Variants in GLI2 observed in about 807,000 individuals in gnomAD.
GLI2 encodes GLI family zinc finger 2, also known as transcription activator GLI2.
Under a neutral mutation model 78.9 loss-of-function variants are expected in GLI2, and 22 were observed. That is an observed-to-expected ratio of 0.28 (90% CI 0.20 to 0.40). GLI2 has a LOEUF of 0.40. Among genes scored for constraint, GLI2 ranks in the 10% least tolerant of loss-of-function variants. The pLI is 1.00. For synonymous variants in GLI2, 974 were observed against 963.7 expected (o/e 1.01, Z -0.20); for missense variants, 2,097 against 2,213.2 (o/e 0.95, Z 1.05).
At position 120,797,383 on chromosome 2, in the gene GLI2, G is replaced by A; in HGVS notation, c.63G>A (p.Glu21=). 6.2e-7 allele frequency: 1 copy of A among 1,614,012 alleles called. No individual in the cohort carries two copies. Among genetic ancestry groups the A allele is most frequent in the Non-Finnish European group, 8.5e-7 (1 of 1,179,904 alleles). The change falls in exon 2 of 14, where the codon GAG becomes GAA. Residue 21 remains glutamate (E), a synonymous_variant. Coordinates refer to ENST00000361492, the MANE Select transcript of GLI2 (RefSeq NM_001374353.1). The part of the protein sequence containing the change: ...EKQEAKSGIL[E]AAGFPDPGKK... ...AAGAAGCCAAAAGTGGGATCCTGGAGGCCGCTGGCTTCCCCGACCCGGGTA... is the reference window on the plus strand; with the variant it reads ...AAGAAGCCAAAAGTGGGATCCTGGAAGCCGCTGGCTTCCCCGACCCGGGTA...
At chr2:120,905,867 GCC>G (rs149778827) in intron 2 of GLI2, among the ~76,000 whole-genome samples, 44 of 146,010 alleles carry the variant, frequency 3.0e-4, no homozygotes, top group African/African-American at 1.0e-3. Flanking sequence ...GGGCTACACT[GCC>G]CCCCCCCCGC....
At chr2:120,807,852 C>A (rs1010332818) in intron 2 of GLI2, among the ~76,000 whole-genome samples, 2 of 152,148 alleles carry the variant, frequency 1.3e-5, no homozygotes, top group Non-Finnish European at 2.9e-5. Flanking sequence ...GACCACCCCC[C>A]CACACACCTC....
At chr2:120,786,262 G>T (rs1683994151) in intron 1 of GLI2, among the ~76,000 whole-genome samples, 1 of 152,240 alleles carries the variant, frequency 6.6e-6, no homozygotes, top group Non-Finnish European at 1.5e-5. Context: ...ACCAGACAGG[G>T]TCCCAGGTCA....
intron 2 of GLI2, among the ~76,000 whole-genome samples, chr2:120,867,794 C>CG (rs1005731064): frequency 3.3e-5 from 5 of 149,856 alleles, no homozygotes; most frequent in African/African-American, 7.4e-5. Context: ...GGGCCTCAGG[C>CG]GGGGGGAGCT....
At chr2:120,987,653 T>C (rs1281880349) in intron 13 of GLI2, among the ~76,000 whole-genome samples, 1 of 152,138 alleles carries the variant, frequency 6.6e-6, no homozygotes, top group Non-Finnish European at 1.5e-5. Flanking sequence ...CAGGGACGCC[T>C]AGGTGGCACC....
At chr2:120,801,508 A>C (rs1468416751) in intron 2 of GLI2, among the ~76,000 whole-genome samples, 3 of 152,256 alleles carry the variant, frequency 2.0e-5, no homozygotes, top group Non-Finnish European at 4.4e-5. Context: ...GGATTGGTTC[A>C]TCTGTGGAAC....
chr2:120,903,758 G>A (rs1216864904), intron 2 of GLI2, among the ~76,000 whole-genome samples: 1 of 152,174 alleles, frequency 6.6e-6, no homozygotes, highest in African/African-American at 2.4e-5. Flanking sequence ...CAAGTGACAA[G>A]CAGCCTTCCC....
chr2:120,861,422 T>G (rs1286508012), intron 2 of GLI2, among the ~76,000 whole-genome samples: 1 of 152,214 alleles, frequency 6.6e-6, no homozygotes, highest in African/African-American at 2.4e-5. Flanking sequence ...GTGATTCAGC[T>G]CCAGGTGGAG....
At chr2:120,942,782 G>T (rs926086737) in intron 3 of GLI2, among the ~76,000 whole-genome samples, 4 of 152,030 alleles carry the variant, frequency 2.6e-5, no homozygotes, top group African/African-American at 9.7e-5. Flanking sequence ...CCCTGGACAC[G>T]CTCCCTGCTT....
intron 1 of GLI2, among the ~76,000 whole-genome samples, chr2:120,794,386 A>T (rs1385458238): frequency 1.3e-5 from 2 of 152,164 alleles, no homozygotes; most frequent in Non-Finnish European, 2.9e-5. Flanking sequence ...TTAGGTAGAC[A>T]TGGGAAGACT....
chr2:120,949,494 A>T (rs1005321882), intron 3 of GLI2, among the ~76,000 whole-genome samples: 1 of 152,178 alleles, frequency 6.6e-6, no homozygotes, highest in Non-Finnish European at 1.5e-5. Flanking sequence ...TGGCAGATGC[A>T]CCTGTCAGCT....
chr2:120,952,419 C>T (rs551985302), intron 4 of GLI2, among the ~76,000 whole-genome samples: 2 of 152,348 alleles, frequency 1.3e-5, no homozygotes, highest in East Asian at 3.9e-4. Context: ...AATGCATCCT[C>T]TTCCAACTGG....
chr2:120,983,931 A>G (rs918214409), intron 11 of GLI2, among the ~76,000 whole-genome samples: 12 of 136,906 alleles, frequency 8.8e-5, no homozygotes, highest in Non-Finnish European at 1.7e-4. Flanking sequence ...GTTTTTCTGT[A>G]GACGTGGTGT....
In GLI2 at chr2:120,991,677, C is replaced by T. The variant is rs1683299828; in HGVS notation, c.*1002C>T. On this transcript the variant is annotated 3_prime_UTR_variant, in exon 14 of 14. Coordinates refer to ENST00000361492, the MANE Select transcript of GLI2 (RefSeq NM_001374353.1). ...ATGCAACGTCCACCCACTTTACCAC[C>T]AAAAACTCCAGGGCCTGACGGCAGC... 6.5e-6 allele frequency: 1 copy of T among 152,850 alleles called. No individual in the cohort carries two copies. Among genetic ancestry groups the T allele is most frequent in the African/African-American group, 2.4e-5 (1 of 41,454 alleles). 9.5% of individuals were successfully genotyped at this position (152,850 alleles called of 1,614,324 possible). A position where few individuals can be genotyped will look rare whatever the true frequency, so the allele number is the denominator to read the frequency against.
intron 2 of GLI2, among the ~76,000 whole-genome samples, chr2:120,893,173 C>T (rs1677763515): frequency 1.3e-5 from 2 of 152,204 alleles, no homozygotes; most frequent in Admixed American, 1.3e-4. Flanking sequence ...GGCTGAATGG[C>T]CAGGAATAGC....
chr2:120,950,468 C>G lies in GLI2; in HGVS notation c.255-775C>G, dbSNP rs1406210439. Among the ~76,000 whole-genome samples the G allele has an allele frequency of 1.2e-4, 18 of 152,146 alleles. No homozygotes were observed. The South Asian group carries it at 3.1e-3, about 26-fold the overall frequency. ...CTGACATAAGGGCCTGAGGTCACAT[C>G]GAATGGATTCCATGACTCTTGGTGG... On this transcript the variant is annotated intron_variant, in intron 3 of 13. Transcript: ENST00000361492.
chr2:120,787,551 AC>A (rs1271366310), intron 1 of GLI2, among the ~76,000 whole-genome samples: 2 of 151,782 alleles, frequency 1.3e-5, no homozygotes, highest in Non-Finnish European at 2.9e-5. Flanking sequence ...AGAGGCCTTC[AC>A]CCCAGCCCTC....
At chr2:120,775,073 C>T (rs1421462751) in intron 1 of GLI2, among the ~76,000 whole-genome samples, 3 of 152,194 alleles carry the variant, frequency 2.0e-5, no homozygotes, top group Non-Finnish European at 2.9e-5. Flanking sequence ...CAGGACTGGT[C>T]GACATAGGGA....
At chr2:120,748,561 C>T (rs1410095992) in intron 1 of GLI2, among the ~76,000 whole-genome samples, 1 of 152,166 alleles carries the variant, frequency 6.6e-6, no homozygotes, top group Admixed American at 6.5e-5. Context: ...CAAGGGGTGG[C>T]TTTGTGGTCC....
Sources: allele counts gnomAD v4.1 joint callset (sites outside exome capture counted in the v4.1 genomes callset), GRCh38; gene constraint gnomAD v4.1.1; transcripts MANE v1.5; gene names NCBI Gene and HGNC (gene_info 2026-07-23, HGNC 2026-07-21).